Variants in MYEF2 observed in about 807,000 individuals in gnomAD.
MYEF2 encodes myelin expression factor 2.
Under a neutral mutation model 75.2 loss-of-function variants are expected in MYEF2, and 37 were observed. The ratio of observed to expected loss-of-function variants is 0.49; its 90% confidence interval spans 0.38 to 0.65. The LOEUF (loss-of-function observed/expected upper bound fraction) is 0.65. MYEF2 is among the 30% of genes least tolerant of loss of function. The probability of loss-of-function intolerance (pLI) is 0.00; values close to 1 mark genes in which losing one functional copy is unlikely to be tolerated. For missense variants in MYEF2, 634 were observed against 771.4 expected (o/e 0.82, Z 2.11); for synonymous variants, 195 against 241.6 (o/e 0.81, Z 1.79).
At chr15:48,177,423 G>A (rs1466989305) in intron 1 of MYEF2, among the ~76,000 whole-genome samples, 1 of 151,802 alleles carries the variant, frequency 6.6e-6, no homozygotes, top group Non-Finnish European at 1.5e-5. Flanking sequence ...CACAGCTGAC[G>A]CACATTACCC....
Position 48,137,363 on chromosome 15 carries a change from G to T in MYEF2, c.*5545C>A, listed in dbSNP as rs958494963. 1 of 162,942 alleles carries T rather than the reference G, an allele frequency of 6.1e-6. No homozygotes were observed. The highest frequency in any genetic ancestry group is 2.4e-5 in the African/African-American group (1 of 41,620). 10.1% of individuals were successfully genotyped at this position (162,942 alleles called of 1,614,324 possible). A position where few individuals can be genotyped will look rare whatever the true frequency, so the allele number is the denominator to read the frequency against. On this transcript the variant is annotated 3_prime_UTR_variant, in exon 17 of 17. Transcript: ENST00000324324. ...CTGAGGTCTTCATTCCATAAATGAT[G>T]CAGAGATAAAACACATAGAGCACAG... is the stretch of plus-strand genomic sequence containing the variant.
chr15:48,135,369 G>A lies in MYEF2; in HGVS notation c.*7539C>T, dbSNP rs925869324. 2 of 157,538 alleles carry A rather than the reference G, an allele frequency of 1.3e-5. No individual in the cohort carries two copies. Among genetic ancestry groups the A allele is most frequent in the African/African-American group, 4.8e-5 (2 of 41,600 alleles). The allele number at this position is 157,538 out of a possible 1,614,324, so 9.8% of individuals were successfully genotyped here. A position where few individuals can be genotyped will look rare whatever the true frequency, so the allele number is the denominator to read the frequency against. On this transcript the variant is annotated 3_prime_UTR_variant, in exon 17 of 17. Transcript: ENST00000324324. The stretch of plus-strand genomic sequence containing the variant: ...AAGTGTTCATGGCCACAAAAGACTG[G>A]AGAAGGATGGTAGAGGAAGTAAAAG...
intron 16 of MYEF2, 46 bp downstream of exon 16, chr15:48,148,986 C>T (rs373193224): frequency 1.9e-6 from 3 of 1,598,532 alleles, no homozygotes; most frequent in Non-Finnish European, 2.6e-6. Flanking sequence ...AACCAATTTT[C>T]CTCCATAATC....
Position 48,144,876 on chromosome 15 carries a change from C to T in MYEF2, c.1640-1805G>A, listed in dbSNP as rs1354572804. On this transcript the variant is annotated intron_variant, in intron 16 of 16. Transcript: ENST00000324324. ...TCCTTATCTTAATTTTACCTAAAAA[C>T]GTAGAGTTTTTCTTAAGTATCCCAT... 3.3e-5 allele frequency among the ~76,000 whole-genome samples: 5 copies of T among 151,662 alleles called. No homozygotes were observed. The East Asian group carries it at 5.8e-4, about 18-fold the overall frequency.
intron 6 of MYEF2, 138 bp from the exon 7 acceptor site, chr15:48,159,060 T>C (rs982839410): frequency 2.7e-6 from 2 of 728,090 alleles, no homozygotes; most frequent in Non-Finnish European, 4.4e-6. Flanking sequence ...ATGTTCAAAT[T>C]TTAAAACATC....
At chr15:48,154,410 T>A (rs1219194944) in intron 9 of MYEF2, among the ~76,000 whole-genome samples, 1 of 152,160 alleles carries the variant, frequency 6.6e-6, no homozygotes, top group Non-Finnish European at 1.5e-5. Flanking sequence ...GCACCTTAAG[T>A]GTTTCCACAT....
chr15:48,151,608 A>G (rs769854921), intron 12 of MYEF2, 37 bp from the exon 13 acceptor site: 7 of 1,509,240 alleles, frequency 4.6e-6, no homozygotes, highest in Non-Finnish European at 5.5e-6. Flanking sequence ...CTTTTCAAAT[A>G]TATCAATACA....
chr15:48,162,496 C>A (rs926684385), intron 5 of MYEF2, among the ~76,000 whole-genome samples: 5 of 152,164 alleles, frequency 3.3e-5, no homozygotes, highest in Admixed American at 2.6e-4. Flanking sequence ...AACATAAGTT[C>A]TTTACCATGT....
chr15:48,153,519 A>G (rs2039575424), intron 10 of MYEF2: 3 of 311,002 alleles, frequency 9.6e-6, no homozygotes, highest in Non-Finnish European at 1.2e-5. Flanking sequence ...TAGATGATAT[A>G]TTCTCCTTCT....
chr15:48,175,379 A>G (rs1259275536), intron 1 of MYEF2, among the ~76,000 whole-genome samples: 2 of 152,160 alleles, frequency 1.3e-5, no homozygotes, highest in Non-Finnish European at 2.9e-5. Context: ...TAAGTTCTGT[A>G]GATCTAAGGT....
rs1333528461 is a variant in MYEF2 at position 48,142,891 on chromosome 15, C to G, written c.*17G>C. 2 of 1,584,854 alleles carry G rather than the reference C, an allele frequency of 1.3e-6. No individual in the cohort carries two copies. Among genetic ancestry groups the G allele is most frequent in the Admixed American group, 3.7e-5 (2 of 54,746 alleles). Reference sequence around the variant, plus strand: ...TCAGCAAAACAGATGTAGGAATGTTCCAACCATGGCTTGAAATTATGCATT... The same window carrying G: ...TCAGCAAAACAGATGTAGGAATGTTGCAACCATGGCTTGAAATTATGCATT... On this transcript the variant is annotated 3_prime_UTR_variant, in exon 17 of 17. Transcript: ENST00000324324.
chr15:48,167,319 C>T, intron 3 of MYEF2, 30 bp downstream of exon 3: 1 of 1,610,494 alleles, frequency 6.2e-7, no homozygotes, highest in Non-Finnish European at 8.5e-7. Flanking sequence ...ACTTTTAAAC[C>T]TCAAGCAGAT....
At position 48,149,242 on chromosome 15, in the gene MYEF2, C is replaced by T. The variant is rs748577153; in HGVS notation, c.1508G>A (p.Arg503Gln). The change falls in exon 15 of 17, where the codon CGA (arginine) becomes CAA (glutamine). Residue 503 changes from arginine to glutamine, a missense_variant. By Grantham distance (43) the Arg-to-Gln change is conservative. Transcript: ENST00000324324. The surrounding 1 kb of genome is among the most constrained non-coding windows in gnomAD (Gnocchi z 4.0). ...AILERSIDMD[R>Q]GFLSGPMGSG... ...TCCCATTGGACCCGATAAAAATCCT[C>T]GATCCATATCGATGCTCCTTTCCAG... 36 of 1,613,312 alleles carry T rather than the reference C, an allele frequency of 2.2e-5. No homozygotes were observed. The highest frequency in any genetic ancestry group is 2.7e-5 in the Non-Finnish European group (32 of 1,179,552).
chr15:48,137,152 T>A lies in MYEF2; in HGVS notation c.*5756A>T. On this transcript the variant is annotated 3_prime_UTR_variant, in exon 17 of 17. Coordinates refer to ENST00000324324, the MANE Select transcript of MYEF2 (RefSeq NM_016132.5). ...CAGGAAATACAAAATAGCTAAAGTA[T>A]GAACGTTAAGTACCATAAAAAGAGA... The A allele has an allele frequency of 1.7e-6, 1 of 591,526 alleles. No individual in the cohort carries two copies. The allele number at this position is 591,526 out of a possible 1,614,324, so 36.6% of individuals were successfully genotyped here.
At chr15:48,165,354 A>G (rs1249118837) in intron 5 of MYEF2, among the ~76,000 whole-genome samples, 2 of 152,108 alleles carry the variant, frequency 1.3e-5, no homozygotes, top group African/African-American at 4.8e-5. Flanking sequence ...TTTTGTTTGT[A>G]TCTTCTAGTC....
At chr15:48,171,071 G>A (rs2040322020) in intron 1 of MYEF2, among the ~76,000 whole-genome samples, 1 of 152,166 alleles carries the variant, frequency 6.6e-6, no homozygotes, top group African/African-American at 2.4e-5. Context: ...GTACCTACCT[G>A]TCTAAACAGA....
chr15:48,142,025 G>T lies in MYEF2; in HGVS notation c.*883C>A, dbSNP rs1272701091. 1.9e-6 allele frequency: 3 copies of T among 1,596,982 alleles called. No individual in the cohort carries two copies. The highest frequency in any genetic ancestry group is 1.3e-5 in the African/African-American group (1 of 74,172). On this transcript the variant is annotated 3_prime_UTR_variant, in exon 17 of 17. Transcript: ENST00000324324. Reference sequence around the variant, plus strand: ...CATTTTAACAGTATGCTTTTCTTTTGTAGGGAAAGGAGATATGGCTATGTC... The same window carrying T: ...CATTTTAACAGTATGCTTTTCTTTTTTAGGGAAAGGAGATATGGCTATGTC...
chr15:48,148,377 A>T (rs1412773213), intron 16 of MYEF2, among the ~76,000 whole-genome samples: 1 of 152,088 alleles, frequency 6.6e-6, no homozygotes, highest in Non-Finnish European at 1.5e-5. Context: ...TTTAAAAGTG[A>T]TAAACCACCT....
rs1332800580 is a variant in MYEF2 at position 48,143,185 on chromosome 15, ATTAT to A, written c.1640-118_1640-115del. On this transcript the variant is annotated intron_variant, in intron 16 of 16. Transcript: ENST00000324324. ...ATAATTAATTTGATTAAAAACATTA[ATTAT>A]TTAAAATAAATAATATAAGCATTAT... The A allele has an allele frequency of 6.1e-5, 34 of 553,256 alleles. 1 individual carries two copies. Among genetic ancestry groups the A allele is most frequent in the Non-Finnish European group, 6.9e-5 (25 of 363,052 alleles). 34.3% of individuals were successfully genotyped at this position (553,256 alleles called of 1,614,324 possible). A position where few individuals can be genotyped will look rare whatever the true frequency, so the allele number is the denominator to read the frequency against.
Sources: gnomAD v4.1 joint callset for allele counts (sites outside exome capture counted in the v4.1 genomes callset) on GRCh38, gnomAD v4.1.1 for gene constraint, Gnocchi (gnomAD v3.1) non-coding constraint, MANE v1.5 for transcripts, NCBI Gene and HGNC (gene_info 2026-07-23, HGNC 2026-07-21) for gene names.